The following SPEF2 variants were observed in gnomAD, a reference collection of about 807,000 sequenced individuals.
SPEF2 encodes the protein sperm flagellar and cilia associated 2, also known as sperm flagella and cilia-associated protein 2.
Under a neutral mutation model 224.6 loss-of-function variants are expected in SPEF2, and 187 were observed. The ratio of observed to expected loss-of-function variants is 0.83; its 90% CI spans 0.74 to 0.94. The LOEUF is 0.94. Among genes scored for constraint, SPEF2 ranks in the 40% least tolerant of loss-of-function variants. SPEF2 has a pLI of 0.00. For missense variants in SPEF2, 2,170 were observed against 2,135.6 expected, an observed-to-expected ratio of 1.02 and a Z score of -0.32; for synonymous variants, 715 against 707.3, an observed-to-expected ratio of 1.01 and a Z score of -0.17.
chr5:35,743,437 A>G (rs1024479751), intron 23 of SPEF2, among the ~76,000 whole-genome samples: 3 of 152,140 alleles, frequency 2.0e-5, no homozygotes, highest in Admixed American at 6.5e-5. Context: ...AAAACAACAT[A>G]CAAAATTTCT....
chr5:35,711,284 A>T (rs1741057314), intron 19 of SPEF2, among the ~76,000 whole-genome samples: 1 of 151,954 alleles, frequency 6.6e-6, no homozygotes, highest in South Asian at 2.1e-4. Context: ...TTATTTTGTT[A>T]AAAAATTTTG....
chr5:35,765,412 C>G (rs760351300), intron 26 of SPEF2, among the ~76,000 whole-genome samples: 16 of 152,122 alleles, frequency 1.1e-4, no homozygotes, highest in Non-Finnish European at 1.8e-4. Flanking sequence ...GTACATGTCT[C>G]CTGGTACCCA....
At chr5:35,719,725 G>A (rs1743271112) in intron 20 of SPEF2, among the ~76,000 whole-genome samples, 1 of 152,016 alleles carries the variant, frequency 6.6e-6, no homozygotes, top group Non-Finnish European at 1.5e-5. Context: ...AGGCTCAAGC[G>A]ATTCTCCTGC....
intron 8 of SPEF2, among the ~76,000 whole-genome samples, chr5:35,666,030 T>A (rs557787280): frequency 6.6e-5 from 10 of 152,316 alleles, no homozygotes; most frequent in Non-Finnish European, 8.8e-5. Flanking sequence ...GGTAATTTTT[T>A]GGGGTATGCT....
intron 1 of SPEF2, among the ~76,000 whole-genome samples, chr5:35,618,302 G>A (rs1414123634): frequency 6.6e-6 from 1 of 152,124 alleles, no homozygotes; most frequent in Non-Finnish European, 1.5e-5. Context: ...TGCCGCTCTC[G>A]AGTTACCCTT....
intron 23 of SPEF2, among the ~76,000 whole-genome samples, chr5:35,741,978 A>T (rs1228778228): frequency 6.6e-6 from 1 of 152,224 alleles, no homozygotes; most frequent in Non-Finnish European, 1.5e-5. Flanking sequence ...AATGCGACAT[A>T]TGTTTATTGT....
At chr5:35,764,471 G>A (rs1751799127) in intron 26 of SPEF2, 1 of 427,728 alleles carries the variant, frequency 2.3e-6, no homozygotes, top group Non-Finnish European at 4.7e-6. Flanking sequence ...CCAAGCAGAA[G>A]TGCCACACCA....
At chr5:35,803,271 G>A (rs1411719160) in intron 34 of SPEF2, among the ~76,000 whole-genome samples, 1 of 152,192 alleles carries the variant, frequency 6.6e-6, no homozygotes, top group African/African-American at 2.4e-5. Context: ...TGCTAGAGCT[G>A]TTGCCATAGC....
In SPEF2 at chr5:35,712,678, A is replaced by G. The variant is rs10078803; in HGVS notation, c.2840-134A>G. ...CAGGATAATTTTAACTCAAAGTAAA[A>G]ACCTGAGCCATTTTATGCAGTTCAC... On this transcript the variant is annotated intron_variant, in intron 19 of 36. Coordinates refer to ENST00000356031, the MANE Select transcript of SPEF2 (RefSeq NM_024867.4). 599,856 of 776,250 alleles carry G rather than the reference A, an allele frequency of 0.77. 232,812 individuals are homozygous for G. The highest frequency in any genetic ancestry group is 0.82 in the Middle Eastern group (3,453 of 4,190). The allele number at this position is 776,250 out of a possible 1,614,324, so 48.1% of individuals were successfully genotyped here.
Position 35,700,689 on chromosome 5 carries a change from G to A in SPEF2, c.2335G>A (p.Asp779Asn). ...KEIPLPSPAF[D>N]FVILLDVSDT... ...AATACCTCTTCCCTCTCCTGCATTT[G>A]ATTTTGTCATATTATTAGATGTTTC... Residue 779 changes from aspartate to asparagine, a missense_variant, in exon 16 of 37, where the codon GAT (aspartate) becomes AAT (asparagine). Physicochemically the swap from Asp to Asn is conservative, Grantham distance 23 (BLOSUM62 1). Coordinates refer to ENST00000356031, the MANE Select transcript of SPEF2 (RefSeq NM_024867.4). The A allele has an allele frequency of 6.2e-7, 1 of 1,613,934 alleles. No individual in the cohort carries two copies. Among genetic ancestry groups the A allele is most frequent in the African/African-American group, 1.3e-5 (1 of 75,032 alleles).
chr5:35,761,460 C>T (rs903809821), intron 25 of SPEF2, among the ~76,000 whole-genome samples: 1 of 152,122 alleles, frequency 6.6e-6, no homozygotes, highest in Non-Finnish European at 1.5e-5. Flanking sequence ...TTTTACCCTC[C>T]CTTGTTCCAA....
At position 35,751,077 on chromosome 5, in the gene SPEF2, A is replaced by ACG. The variant is rs1304492614; in HGVS notation, c.3331-2547_3331-2546insCG. On this transcript the variant is annotated intron_variant, in intron 23 of 36. Coordinates refer to ENST00000356031, the MANE Select transcript of SPEF2 (RefSeq NM_024867.4). The stretch of plus-strand genomic sequence containing the variant: ...TATACGTATATATATGTATATATAT[A>ACG]TACACACACACACACACACATATAT... Among the ~76,000 whole-genome samples, 63 of 55,942 alleles carry ACG rather than the reference A, an allele frequency of 1.1e-3. 17 individuals are homozygous for ACG. Among genetic ancestry groups the ACG allele is most frequent in the Non-Finnish European group, 2.6e-4 (7 of 27,076 alleles). The allele number at this position is 55,942 out of a possible 152,430, so 36.7% of individuals were successfully genotyped here.
At chr5:35,708,598 ACCACAG>A (rs1740343840) in intron 18 of SPEF2, among the ~76,000 whole-genome samples, 3 of 152,168 alleles carry the variant, frequency 2.0e-5, no homozygotes, top group Non-Finnish European at 4.4e-5. Context: ...CACCATCCCC[ACCACAG>A]ACTTCACCAC....
intron 1 of SPEF2, among the ~76,000 whole-genome samples, chr5:35,620,028 CG>C (rs1743286097): frequency 6.6e-6 from 1 of 151,968 alleles, no homozygotes; most frequent in Non-Finnish European, 1.5e-5. Context: ...ACTAGCAAAA[CG>C]TATTAATTTT....
chr5:35,693,101 T>A (rs1483630940), intron 12 of SPEF2, among the ~76,000 whole-genome samples: 1 of 152,084 alleles, frequency 6.6e-6, no homozygotes, highest in Non-Finnish European at 1.5e-5. Flanking sequence ...GATTGAATTG[T>A]GGAGGTTGGG....
intron 23 of SPEF2, among the ~76,000 whole-genome samples, chr5:35,750,391 G>A (rs1271803344): frequency 6.6e-6 from 1 of 151,964 alleles, no homozygotes; most frequent in Non-Finnish European, 1.5e-5. Context: ...ACGGCACATG[G>A]ACAGTCAGCA....
At position 35,641,449 on chromosome 5, in the gene SPEF2, T is replaced by C. The variant is rs903163376; in HGVS notation, c.180T>C (p.Leu60=). 1 of 1,613,046 alleles carries C rather than the reference T, an allele frequency of 6.2e-7. No individual in the cohort carries two copies. Among genetic ancestry groups the C allele is most frequent in the Non-Finnish European group, 8.5e-7 (1 of 1,179,528 alleles). Residue 60 remains leucine, a synonymous_variant, in exon 3 of 37, where the codon CTT becomes CTC. Coordinates refer to ENST00000356031, the MANE Select transcript of SPEF2 (RefSeq NM_024867.4). The stretch of plus-strand genomic sequence containing the variant: ...TGTCCAGGGTTTCAAGTGCCAAACT[T>C]AATAATTTTTCTCGCTTGGAGCCAA... ...FLDSRVSSAK[L]NNFSRLEPTL... is the part of the protein sequence containing the mutation.
At chr5:35,631,612 A>C (rs1455086715) in intron 2 of SPEF2, among the ~76,000 whole-genome samples, 2 of 152,244 alleles carry the variant, frequency 1.3e-5, no homozygotes, top group African/African-American at 4.8e-5. Flanking sequence ...TTCTAGATAT[A>C]TACCCAAGAG....
intron 2 of SPEF2, among the ~76,000 whole-genome samples, chr5:35,635,843 C>A (rs541478887): frequency 1.3e-5 from 2 of 151,666 alleles, no homozygotes; most frequent in Non-Finnish European, 2.9e-5. Context: ...GTGTGCTGCA[C>A]TTTTTTTTTC....
Sources: gnomAD v4.1 joint callset for allele counts (sites outside exome capture counted in the v4.1 genomes callset) on GRCh38, gnomAD v4.1.1 for gene constraint, MANE v1.5 for transcripts, NCBI Gene and HGNC (gene_info 2026-07-23, HGNC 2026-07-21) for gene names.